SLC24A2: variants seen among roughly 807,000 people sequenced by gnomAD.
SLC24A2 encodes the protein sodium/potassium/calcium exchanger 2.
SLC24A2 carries 36 observed loss-of-function variants against 62.0 expected under a neutral mutation model. The ratio of observed to expected loss-of-function variants is 0.58; its 90% CI spans 0.44 to 0.77. The LOEUF (loss-of-function observed/expected upper bound fraction) is 0.77, where lower values mean the gene tolerates loss of function less well. SLC24A2 is among the 30% of genes least tolerant of loss of function. The pLI is 0.00. For synonymous variants in SLC24A2, 358 were observed against 294.0 expected, an observed-to-expected ratio of 1.22 and a Z score of -2.23; for missense variants, 846 against 817.9, an observed-to-expected ratio of 1.03 and a Z score of -0.42.
chr9:20,188,262 G>A, the SLC24A2 span, among the ~76,000 whole-genome samples: 1 of 152,100 alleles, frequency 6.6e-6, no homozygotes, highest in Non-Finnish European at 1.5e-5. Context: ...TGGTTTCCTT[G>A]GAGTTCCCAT....
intron 8 of SLC24A2, among the ~76,000 whole-genome samples, chr9:19,531,652 T>C (rs898964190): frequency 3.9e-5 from 6 of 152,034 alleles, no homozygotes; most frequent in Admixed American, 2.6e-4. Flanking sequence ...TCACTCAGCA[T>C]CTACTCTGTG....
chr9:19,918,140 ATGTGTGTGTGTGTG>A, the SLC24A2 span, among the ~76,000 whole-genome samples: 1 of 147,942 alleles, frequency 6.8e-6, no homozygotes, highest in Admixed American at 6.7e-5. Context: ...AACTGACATT[ATGTGTGTGTGTGTG>A]TGTGTGTGTG....
chr9:20,247,279 A>G, the SLC24A2 span, among the ~76,000 whole-genome samples: 2 of 152,192 alleles, frequency 1.3e-5, no homozygotes, highest in South Asian at 2.1e-4. Flanking sequence ...TGGTGCTATC[A>G]TCCTTACGTA....
chr9:20,262,431 T>C, the SLC24A2 span, among the ~76,000 whole-genome samples: 3 of 152,328 alleles, frequency 2.0e-5, no homozygotes, highest in African/African-American at 7.2e-5. Context: ...AGGAAAGTGG[T>C]CATTGTTGGC....
the SLC24A2 span, among the ~76,000 whole-genome samples, chr9:20,110,157 A>C: frequency 3.9e-5 from 6 of 152,176 alleles, no homozygotes; most frequent in Non-Finnish European, 8.8e-5. Flanking sequence ...TAAGGCTTCA[A>C]CTGGCTTTAA....
At chr9:19,847,543 G>A in the SLC24A2 span, among the ~76,000 whole-genome samples, 2 of 152,116 alleles carry the variant, frequency 1.3e-5, no homozygotes, top group African/African-American at 4.8e-5. Flanking sequence ...ATATGGGTTT[G>A]TAAGGTAATT....
chr9:20,069,645 C>A, the SLC24A2 span, among the ~76,000 whole-genome samples: 1 of 152,170 alleles, frequency 6.6e-6, no homozygotes, highest in African/African-American at 2.4e-5. Flanking sequence ...CTTTTATTTT[C>A]GTCACCTATG....
chr9:20,078,215 G>A, the SLC24A2 span, among the ~76,000 whole-genome samples: 2 of 152,266 alleles, frequency 1.3e-5, no homozygotes. Context: ...CATAGTTGCT[G>A]TAGGAAGTGG....
the SLC24A2 span, among the ~76,000 whole-genome samples, chr9:20,242,869 T>A: frequency 3.0e-4 from 46 of 152,206 alleles, no homozygotes; most frequent in Non-Finnish European, 6.0e-4. Context: ...CGAGGCAATC[T>A]ATGCAAACCA....
chr9:19,533,590 C>CT (rs1784573233), intron 8 of SLC24A2, among the ~76,000 whole-genome samples: 1 of 152,174 alleles, frequency 6.6e-6, no homozygotes, highest in African/African-American at 2.4e-5. Context: ...GGCTAGCCTG[C>CT]TTTGAGATAA....
the SLC24A2 span, among the ~76,000 whole-genome samples, chr9:19,910,267 C>T: frequency 2.6e-5 from 4 of 152,122 alleles, no homozygotes; most frequent in Non-Finnish European, 4.4e-5. Flanking sequence ...CTGCTCCTTA[C>T]CCTTCCTATC....
At chr9:20,260,113 G>A in the SLC24A2 span, among the ~76,000 whole-genome samples, 17 of 152,254 alleles carry the variant, frequency 1.1e-4, no homozygotes, top group Non-Finnish European at 2.1e-4. Flanking sequence ...AATAAAAGGT[G>A]AGGCCTTTAA....
At chr9:20,219,920 T>G in the SLC24A2 span, among the ~76,000 whole-genome samples, 3 of 152,180 alleles carry the variant, frequency 2.0e-5, no homozygotes, top group Non-Finnish European at 2.9e-5. Flanking sequence ...AGCACTATAC[T>G]ATACACAATT....
the SLC24A2 span, among the ~76,000 whole-genome samples, chr9:20,181,997 C>T: frequency 3.3e-5 from 5 of 152,202 alleles, no homozygotes; most frequent in Non-Finnish European, 5.9e-5. Flanking sequence ...CAAAAGAAGA[C>T]ATTTATGTAG....
At chr9:19,990,866 A>T in the SLC24A2 span, among the ~76,000 whole-genome samples, 19 of 137,626 alleles carry the variant, frequency 1.4e-4, no homozygotes, top group African/African-American at 4.7e-4. Flanking sequence ...AAAAAAAAAT[A>T]GTATCAATAG....
the SLC24A2 span, among the ~76,000 whole-genome samples, chr9:19,859,401 C>T: frequency 0.012 from 1,880 of 152,170 alleles, 16 homozygotes; most frequent in Admixed American, 0.025. Flanking sequence ...GAGCACTATG[C>T]TTATTACCTG....
chr9:20,026,848 C>T, the SLC24A2 span, among the ~76,000 whole-genome samples: 1 of 152,078 alleles, frequency 6.6e-6, no homozygotes. Context: ...ACCTAAAAAG[C>T]TTCTGCACAG....
chr9:20,255,154 C>T, the SLC24A2 span, among the ~76,000 whole-genome samples: 7 of 152,276 alleles, frequency 4.6e-5, no homozygotes, highest in African/African-American at 4.8e-5. Context: ...CAGGGTTTAG[C>T]GTGTCTAATA....
In SLC24A2 at chr9:19,732,097, G is replaced by A. The variant is rs913229713; in HGVS notation, c.930+53840C>T. On this transcript the variant is annotated intron_variant, in intron 2 of 10. Coordinates refer to ENST00000341998, the MANE Select transcript of SLC24A2 (RefSeq NM_020344.4). ...TGGATGTCCAATATAAGACCTTAAA[G>A]AACTCCTTGTTTTGTTAAAAAAAAA... 1.7e-4 allele frequency among the ~76,000 whole-genome samples: 18 copies of A among 103,812 alleles called. 1 individual carries two copies. The highest frequency in any genetic ancestry group is 1.1e-4 in the Admixed American group (1 of 9,288). 68.1% of individuals were successfully genotyped at this position (103,812 alleles called of 152,430 possible). A position where few individuals can be genotyped will look rare whatever the true frequency, so the allele number is the denominator to read the frequency against.
Sources: allele counts gnomAD v4.1 joint callset (sites outside exome capture counted in the v4.1 genomes callset), GRCh38; gene constraint gnomAD v4.1.1; transcripts MANE v1.5; gene names NCBI Gene and HGNC (gene_info 2026-07-23, HGNC 2026-07-21).